The following TNKS variants were observed in gnomAD, a reference collection of about 807,000 sequenced individuals.
The protein encoded by TNKS is tankyrase, also known as poly [ADP-ribose] polymerase tankyrase-1.
TNKS carries 72 observed loss-of-function variants against 135.8 expected under a neutral mutation model. The ratio of observed to expected loss-of-function variants is 0.53; its 90% CI spans 0.44 to 0.64. TNKS has a LOEUF of 0.64. Among genes scored for constraint, TNKS ranks in the 30% least tolerant of loss-of-function variants. The probability of loss-of-function intolerance (pLI) is 0.00; values close to 1 mark genes in which losing one functional copy is unlikely to be tolerated. For missense variants in TNKS, 1,769 were observed against 1,674.0 expected (o/e 1.06, Z -0.99); for synonymous variants, 849 against 649.3 (o/e 1.31, Z -4.68).
intron 3 of TNKS, among the ~76,000 whole-genome samples, chr8:9,619,762 C>T (rs1799794540): frequency 6.6e-6 from 1 of 150,610 alleles, no homozygotes; most frequent in Admixed American, 6.6e-5. Context: ...CTTAGTAAGT[C>T]AGCAAAATGT....
intron 13 of TNKS, among the ~76,000 whole-genome samples, chr8:9,727,645 A>T (rs978439677): frequency 6.6e-6 from 1 of 152,220 alleles, no homozygotes; most frequent in Non-Finnish European, 1.5e-5. Flanking sequence ...TTTTTACGAC[A>T]TACTGTCAAC....
At chr8:9,772,701 G>C (rs1807983304) in intron 26 of TNKS, among the ~76,000 whole-genome samples, 1 of 151,890 alleles carries the variant, frequency 6.6e-6, no homozygotes, top group African/African-American at 2.4e-5. Context: ...ACTTACGTAA[G>C]GCAATATGTC....
At chr8:9,766,023 T>C (rs1807423566) in intron 24 of TNKS, among the ~76,000 whole-genome samples, 1 of 152,262 alleles carries the variant, frequency 6.6e-6, no homozygotes, top group African/African-American at 2.4e-5. Context: ...AAAATTATTT[T>C]AGTACTTAAA....
rs1798697638 is a variant in TNKS, at chr8:9,594,412, A to G, written c.898+14029A>G. ...TTAAAAATTAAAAATTTAGTTTCTC[A>G]GTTGCACTAGCCGTGTTTTAAATGC... On this transcript the variant is annotated intron_variant, in intron 2 of 26. Transcript: ENST00000310430. 2.0e-5 allele frequency among the ~76,000 whole-genome samples: 3 copies of G among 152,328 alleles called. No homozygotes were observed. In the South Asian group the frequency reaches 6.2e-4, roughly 32 times the overall value.
chr8:9,572,511 C>G (rs1254880005), intron 1 of TNKS, among the ~76,000 whole-genome samples: 3 of 152,162 alleles, frequency 2.0e-5, no homozygotes, highest in Non-Finnish European at 2.9e-5. Context: ...TTCTCTTATT[C>G]TCTTCTGTTT....
At chr8:9,772,596 A>C (rs1248232992) in intron 26 of TNKS, among the ~76,000 whole-genome samples, 2 of 152,156 alleles carry the variant, frequency 1.3e-5, no homozygotes. Context: ...CCAGTATTGG[A>C]AGAGAAAGTA....
chr8:9,619,834 G>A (rs1799798853), intron 3 of TNKS, among the ~76,000 whole-genome samples: 1 of 146,624 alleles, frequency 6.8e-6, no homozygotes, highest in Admixed American at 6.9e-5. Flanking sequence ...CTGCCCTTCA[G>A]ATAAGACCAA....
At chr8:9,678,779 TAA>T (rs1802650994) in intron 3 of TNKS, among the ~76,000 whole-genome samples, 1 of 152,238 alleles carries the variant, frequency 6.6e-6, no homozygotes, top group African/African-American at 2.4e-5. Context: ...TAAGATTTTT[TAA>T]AAGTTACTTA....
chr8:9,608,897 G>C (rs933812662), intron 2 of TNKS, among the ~76,000 whole-genome samples: 6 of 152,192 alleles, frequency 3.9e-5, no homozygotes, highest in Non-Finnish European at 7.4e-5. Flanking sequence ...ACTGCCTGCA[G>C]TTAGTTGCTT....
rs1424393795 is a variant in TNKS at position 9,761,618 on chromosome 8, C to G, written c.3256C>G (p.Leu1086Val). The change falls in exon 21 of 27, where the codon CTC (leucine) becomes GTC (valine). Residue 1086 changes from leucine (L) to valine (V), a missense_variant. Transcript: ENST00000310430. ...CAAATTAATCAAAGGAGTAGAAAGA[C>G]TCTTAGGTGGACAACAAGGTAAGCT... ...RHKLIKGVER[L>V]LGGQQGTNPY... 6.3e-7 allele frequency: 1 copy of G among 1,589,986 alleles called. No homozygotes were observed.
At chr8:9,580,119 A>G (rs769110796) in intron 1 of TNKS, 40 bp from the exon 2 acceptor site, 3 of 1,564,568 alleles carry the variant, frequency 1.9e-6, no homozygotes, top group African/African-American at 2.7e-5. Flanking sequence ...TTTTTACAAA[A>G]TCAAATATAT....
At chr8:9,603,143 C>G (rs10094343) in intron 2 of TNKS, among the ~76,000 whole-genome samples, 29,662 of 151,988 alleles carry the variant, frequency 0.2, 3,133 homozygotes, top group East Asian at 0.29. Context: ...ACCTCCATCT[C>G]CCAGTTTCAG....
At chr8:9,611,029 G>A (rs1259821315) in intron 2 of TNKS, among the ~76,000 whole-genome samples, 1 of 152,206 alleles carries the variant, frequency 6.6e-6, no homozygotes, top group African/African-American at 2.4e-5. Context: ...GTGGCTGAAT[G>A]CCTGTACCAG....
chr8:9,682,934 A>G (rs1802844249), intron 5 of TNKS, among the ~76,000 whole-genome samples: 1 of 152,018 alleles, frequency 6.6e-6, no homozygotes, highest in Non-Finnish European at 1.5e-5. Flanking sequence ...AGATTCCTAA[A>G]ATATAAATAA....
At chr8:9,705,810 T>C (rs956756362) in intron 6 of TNKS, among the ~76,000 whole-genome samples, 1 of 152,220 alleles carries the variant, frequency 6.6e-6, no homozygotes, top group Non-Finnish European at 1.5e-5. Context: ...GGATATTTGA[T>C]TATTTTGCTA....
At chr8:9,661,721 A>G (rs1801723976) in intron 3 of TNKS, among the ~76,000 whole-genome samples, 1 of 152,246 alleles carries the variant, frequency 6.6e-6, no homozygotes, top group Non-Finnish European at 1.5e-5. Context: ...AACAAAAGTC[A>G]AAATTGACAA....
At chr8:9,674,852 A>T (rs1224877368) in intron 3 of TNKS, among the ~76,000 whole-genome samples, 1 of 152,122 alleles carries the variant, frequency 6.6e-6, no homozygotes, top group East Asian at 1.9e-4. Flanking sequence ...TTTAGAATGG[A>T]TGTTCAGTGT....
intron 3 of TNKS, among the ~76,000 whole-genome samples, chr8:9,647,234 C>T (rs543992399): frequency 2.0e-5 from 3 of 152,240 alleles, no homozygotes; most frequent in South Asian, 2.1e-4. Flanking sequence ...TCACTTTTTG[C>T]GTAATGATTC....
intron 2 of TNKS, among the ~76,000 whole-genome samples, chr8:9,590,254 C>T (rs1798541306): frequency 6.6e-6 from 1 of 152,156 alleles, no homozygotes; most frequent in African/African-American, 2.4e-5. Flanking sequence ...TTTCTCTCCA[C>T]CTTCCAGCTA....
Sources: gnomAD v4.1 joint callset for allele counts (sites outside exome capture counted in the v4.1 genomes callset) on GRCh38, gnomAD v4.1.1 for gene constraint, MANE v1.5 for transcripts, NCBI Gene and HGNC (gene_info 2026-07-23, HGNC 2026-07-21) for gene names.